The following FOXN4 variants were observed in gnomAD, a reference collection of about 807,000 sequenced individuals.
The protein encoded by FOXN4 is forkhead box N4.
FOXN4 carries 12 observed loss-of-function variants against 45.0 expected under a neutral mutation model. The observed-to-expected ratio is 0.27, with a 90% CI of 0.17 to 0.43. The LOEUF (loss-of-function observed/expected upper bound fraction) is 0.43, where lower values mean the gene tolerates loss of function less well. FOXN4 is among the 20% of genes least tolerant of loss of function. The pLI, the probability that FOXN4 is intolerant of heterozygous loss-of-function variation, is 1.00. For synonymous variants in FOXN4, 297 were observed against 295.0 expected (o/e 1.01, Z -0.07); for missense variants, 560 against 694.9 (o/e 0.81, Z 2.18).
chr12:109,308,137 C>T, intron 2 of FOXN4, 99 bp downstream of exon 2: 1 of 976,026 alleles, frequency 1.0e-6, no homozygotes, highest in Non-Finnish European at 1.5e-6. Context: ...CAGAATTGAA[C>T]ATAACAATAG....
In FOXN4 at chr12:109,290,056, G is replaced by A; in HGVS notation, c.232+85C>T. 2 of 1,436,390 alleles carry A rather than the reference G, an allele frequency of 1.4e-6. No individual in the cohort carries two copies. Among genetic ancestry groups the A allele is most frequent in the Non-Finnish European group, 1.9e-6 (2 of 1,081,042 alleles). The allele number at this position is 1,436,390 out of a possible 1,614,324, so 89.0% of individuals were successfully genotyped here. ...AGAGAGACTGGGAGACCGGGTCATG[G>A]CTGCACAGTGGGTGGGTGGCAGGGC... On this transcript the variant is annotated intron_variant, in intron 3 of 9. Coordinates refer to ENST00000299162, the MANE Select transcript of FOXN4 (RefSeq NM_213596.3). This position sits in a 1 kb window ranked among gnomAD's most constrained non-coding sequence, Gnocchi z 5.1.
intron 2 of FOXN4, among the ~76,000 whole-genome samples, chr12:109,294,205 G>A (rs956866254): frequency 2.0e-5 from 3 of 152,168 alleles, no homozygotes; most frequent in Non-Finnish European, 4.4e-5. Flanking sequence ...CCCCACCCTT[G>A]GGACTTCCAG....
chr12:109,288,414 C>G lies in FOXN4; in HGVS notation c.233-234G>C, dbSNP rs1194015677. 6.6e-6 allele frequency among the ~76,000 whole-genome samples: 1 copy of G among 152,170 alleles called. No individual in the cohort carries two copies. Among genetic ancestry groups the G allele is most frequent in the Non-Finnish European group, 1.5e-5 (1 of 68,026 alleles). Reference sequence around the variant, plus strand: ...CCCATTTGTACTTGATCTACTGATACCCCTAACTATAAATCTGCTGTGAGG... The same window carrying G: ...CCCATTTGTACTTGATCTACTGATAGCCCTAACTATAAATCTGCTGTGAGG... On this transcript the variant is annotated intron_variant, in intron 3 of 9. Transcript: ENST00000299162. The surrounding 1 kb of genome is among the most constrained non-coding windows in gnomAD (Gnocchi z 4.3).
Position 109,288,101 on chromosome 12 carries a change from G to C in FOXN4, c.312C>G (p.Pro104=). ...PLLHGPAGMA[P]RGMPGLGPIT... ...TGGGGCCCAGACCTGGCATGCCTCG[G>C]GGGGCCATGCCTGCTGGGCCATGGA... is the stretch of plus-strand genomic sequence containing the variant. The change falls in exon 4 of 10, where the codon CCC becomes CCG. Residue 104 remains proline (P), a synonymous_variant. Coordinates refer to ENST00000299162, the MANE Select transcript of FOXN4 (RefSeq NM_213596.3). The surrounding 1 kb of genome is among the most constrained non-coding windows in gnomAD (Gnocchi z 4.3). The C allele has an allele frequency of 6.5e-7, 1 of 1,548,138 alleles. No individual in the cohort carries two copies.
rs184564206 is a variant in FOXN4 at position 109,302,585 on chromosome 12, G to A, written c.86+5651C>T. Among the ~76,000 whole-genome samples the A allele has an allele frequency of 3.3e-3, 497 of 152,314 alleles. 2 individuals carry two copies. Among genetic ancestry groups the A allele is most frequent in the African/African-American group, 0.011 (466 of 41,572 alleles). ...AATAATAATAATTCTCACCACAGGG[G>A]GCAGATGTGAGGATAAGATCAGGTA... On this transcript the variant is annotated intron_variant, in intron 2 of 9. Transcript: ENST00000299162.
In FOXN4 at chr12:109,299,669, G is replaced by A. The variant is rs181121798; in HGVS notation, c.86+8567C>T. 3.9e-3 allele frequency among the ~76,000 whole-genome samples: 590 copies of A among 152,346 alleles called. 4 individuals carry two copies. Among genetic ancestry groups the A allele is most frequent in the Admixed American group, 8.4e-3 (128 of 15,304 alleles). ...GGGTTGGGTCCCCTTTTGAAGGGAC[G>A]GAACACATGGAGCATTCAAGGTCTG... On this transcript the variant is annotated intron_variant, in intron 2 of 9. Transcript: ENST00000299162.
At chr12:109,297,268 G>C (rs1487889261) in intron 2 of FOXN4, among the ~76,000 whole-genome samples, 2 of 152,250 alleles carry the variant, frequency 1.3e-5, no homozygotes, top group Non-Finnish European at 2.9e-5. Context: ...AGATTCTCAC[G>C]GGAGCGTAAA....
intron 2 of FOXN4, among the ~76,000 whole-genome samples, chr12:109,301,902 C>T (rs2047872293): frequency 6.6e-6 from 1 of 152,188 alleles, no homozygotes; most frequent in Non-Finnish European, 1.5e-5. Context: ...CCAGCCCCAA[C>T]ATATCTTGCA....
chr12:109,284,712 A>C (rs2047687204), intron 8 of FOXN4, among the ~76,000 whole-genome samples: 1 of 150,242 alleles, frequency 6.7e-6, no homozygotes, highest in Non-Finnish European at 1.5e-5. Context: ...GGGGTTGGCT[A>C]CGCTCCGGTG....
intron 8 of FOXN4, among the ~76,000 whole-genome samples, chr12:109,282,089 C>T (rs1018833729): frequency 1.3e-5 from 2 of 152,246 alleles, no homozygotes; most frequent in Admixed American, 1.3e-4. Flanking sequence ...TCTAGCAAAA[C>T]ATCATACCCT....
intron 7 of FOXN4, 144 bp downstream of exon 7, chr12:109,286,504 G>C: frequency 5.5e-6 from 4 of 731,338 alleles, no homozygotes; most frequent in South Asian, 3.6e-5. Context: ...TTCTGTGTGA[G>C]TGTGTGTGCA....
At chr12:109,286,602 A>C in intron 7 of FOXN4, 46 bp downstream of exon 7, 1 of 1,559,316 alleles carries the variant, frequency 6.4e-7, no homozygotes, top group Non-Finnish European at 8.7e-7. Context: ...AGCACCAGGA[A>C]GAGACCAGGG....
intron 2 of FOXN4, among the ~76,000 whole-genome samples, chr12:109,302,161 A>C (rs73190635): frequency 1.3e-3 from 191 of 152,368 alleles, no homozygotes; most frequent in Non-Finnish European, 2.0e-3. Context: ...CCTCATTACA[A>C]GACCCATAGC....
chr12:109,280,706 G>C (rs1565996513), intron 9 of FOXN4, among the ~76,000 whole-genome samples: 1 of 152,258 alleles, frequency 6.6e-6, no homozygotes, highest in Non-Finnish European at 1.5e-5. Context: ...GCTAGAGACA[G>C]AACTCAGGGC....
chr12:109,305,073 C>T (rs1362894220), intron 2 of FOXN4, among the ~76,000 whole-genome samples: 1 of 152,220 alleles, frequency 6.6e-6, no homozygotes, highest in African/African-American at 2.4e-5. Flanking sequence ...TCTGTTCCAA[C>T]ACCCGTGCTC....
chr12:109,284,266 T>A (rs1469099709), intron 8 of FOXN4, among the ~76,000 whole-genome samples: 1 of 152,210 alleles, frequency 6.6e-6, no homozygotes, highest in African/African-American at 2.4e-5. Flanking sequence ...CAGGCCCCTC[T>A]ACTACTCCTG....
At chr12:109,285,587 T>C in intron 7 of FOXN4, 76 bp from the exon 8 acceptor site, 1 of 1,515,984 alleles carries the variant, frequency 6.6e-7, no homozygotes, top group South Asian at 1.1e-5. Flanking sequence ...TACTCAGGCC[T>C]ATAGGGGCAG....
chr12:109,299,166 A>G (rs1382032340), intron 2 of FOXN4, among the ~76,000 whole-genome samples: 1 of 152,118 alleles, frequency 6.6e-6, no homozygotes, highest in Non-Finnish European at 1.5e-5. Flanking sequence ...AAAAGAACAT[A>G]AAAGACCTAT....
chr12:109,296,393 C>T (rs2047817493), intron 2 of FOXN4, among the ~76,000 whole-genome samples: 1 of 152,244 alleles, frequency 6.6e-6, no homozygotes, highest in Non-Finnish European at 1.5e-5. Flanking sequence ...GTGTGCCTTC[C>T]TCTGTGTCTC....
Sources: gnomAD v4.1 joint callset for allele counts (sites outside exome capture counted in the v4.1 genomes callset) on GRCh38, gnomAD v4.1.1 for gene constraint, Gnocchi (gnomAD v3.1) non-coding constraint, MANE v1.5 for transcripts, NCBI Gene and HGNC (gene_info 2026-07-23, HGNC 2026-07-21) for gene names.